The following NUP153 variants were observed in gnomAD, a reference collection of about 807,000 sequenced individuals.
NUP153 encodes nucleoporin 153, also known as nuclear pore complex protein Nup153.
In NUP153, 27 loss-of-function variants were observed where a neutral mutation model predicts 134.6. The ratio of observed to expected loss-of-function variants is 0.20; its 90% CI spans 0.15 to 0.28. The LOEUF (loss-of-function observed/expected upper bound fraction) is 0.28. NUP153 is among the 10% of genes least tolerant of loss of function. The pLI is 1.00. For synonymous variants in NUP153, 640 were observed against 623.5 expected (o/e 1.03, Z -0.40); for missense variants, 1,821 against 1,731.3 (o/e 1.05, Z -0.92).
At chr6:17,668,871 C>G in intron 8 of NUP153, 104 bp downstream of exon 8, 1 of 706,926 alleles carries the variant, frequency 1.4e-6, no homozygotes, top group Non-Finnish European at 2.4e-6. Flanking sequence ...ATTTTTCAAA[C>G]ATGTTCCCTA....
At chr6:17,665,176 ATTAT>A in intron 9 of NUP153, 59 bp downstream of exon 9, 1 of 1,247,626 alleles carries the variant, frequency 8.0e-7, no homozygotes, top group Non-Finnish European at 1.1e-6. Flanking sequence ...TATATTTTAC[ATTAT>A]TTAGTCTTAC....
rs187485978 is a variant in NUP153, at chr6:17,680,955, T to C, written c.335-5185A>G. ...ATATCCAAGTTAAAGGAAACTAGTA[T>C]ATCAAAGAGATAATCTGCACTCGCA... On this transcript the variant is annotated intron_variant, in intron 2 of 21. Coordinates refer to ENST00000262077, the MANE Select transcript of NUP153 (RefSeq NM_005124.4). The surrounding 1 kb of genome is among the most constrained non-coding windows in gnomAD (Gnocchi z 4.5). Among the ~76,000 whole-genome samples, 33 of 152,264 alleles carry C rather than the reference T, an allele frequency of 2.2e-4. No homozygotes were observed. In the East Asian group the frequency reaches 6.0e-3, roughly 28 times the overall value.
chr6:17,656,398 A>T (rs1176602202), intron 11 of NUP153, among the ~76,000 whole-genome samples: 1 of 152,134 alleles, frequency 6.6e-6, no homozygotes, highest in Non-Finnish European at 1.5e-5. Flanking sequence ...CAAAGAGGGG[A>T]GGAGGTGATA....
At chr6:17,664,236 T>C (rs1224574759) in intron 9 of NUP153, among the ~76,000 whole-genome samples, 2 of 152,126 alleles carry the variant, frequency 1.3e-5, no homozygotes, top group African/African-American at 4.8e-5. Context: ...GTGGGAGAGA[T>C]GGTAATACAA....
chr6:17,665,564 T>C (rs753433000), intron 8 of NUP153, among the ~76,000 whole-genome samples, 179 bp from the exon 9 acceptor site: 2 of 152,212 alleles, frequency 1.3e-5, no homozygotes, highest in Non-Finnish European at 2.9e-5. Context: ...TATGTATTCA[T>C]ATACCTATGC....
intron 1 of NUP153, among the ~76,000 whole-genome samples, chr6:17,705,602 G>T: frequency 6.6e-6 from 1 of 150,536 alleles, no homozygotes; most frequent in African/African-American, 2.5e-5. Context: ...GGGGAGGGGA[G>T]TCGCGCAGCA....
intron 11 of NUP153, among the ~76,000 whole-genome samples, chr6:17,654,155 GAACA>G (rs1301745708): frequency 5.9e-5 from 9 of 152,192 alleles, no homozygotes; most frequent in African/African-American, 1.7e-4. Context: ...GAGGGAGGAG[GAACA>G]AACAAAAGAT....
intron 13 of NUP153, among the ~76,000 whole-genome samples, chr6:17,646,365 AC>A (rs1390698775): frequency 7.3e-5 from 11 of 151,436 alleles, no homozygotes; most frequent in Non-Finnish European, 1.3e-4. Context: ...TCGCCACCAC[AC>A]CCGGCTAATT....
At chr6:17,683,529 C>T (rs186181301) in intron 2 of NUP153, among the ~76,000 whole-genome samples, 41 of 152,298 alleles carry the variant, frequency 2.7e-4, no homozygotes, top group Admixed American at 1.4e-3. Flanking sequence ...TGTCCCCAAG[C>T]AAGAGGTCTC....
At chr6:17,623,292 C>T (rs1232571494) in intron 20 of NUP153, among the ~76,000 whole-genome samples, 2 of 146,226 alleles carry the variant, frequency 1.4e-5, no homozygotes, top group Non-Finnish European at 3.0e-5. Flanking sequence ...TGACAAAGTA[C>T]CAATATCCAG....
intron 13 of NUP153, among the ~76,000 whole-genome samples, chr6:17,646,878 T>C (rs936610457): frequency 1.3e-5 from 2 of 151,766 alleles, no homozygotes; most frequent in African/African-American, 2.4e-5. Context: ...TAGTTGGGAT[T>C]ATAGGCGTGC....
chr6:17,669,380 A>G (rs764016575), intron 6 of NUP153, 43 bp from the exon 7 acceptor site: 7 of 1,599,390 alleles, frequency 4.4e-6, no homozygotes, highest in South Asian at 3.3e-5. Flanking sequence ...TTTTTCAATA[A>G]TATCAAGTTT....
chr6:17,654,824 G>C (rs1175979627), intron 11 of NUP153, among the ~76,000 whole-genome samples: 1 of 152,256 alleles, frequency 6.6e-6, no homozygotes, highest in East Asian at 1.9e-4. Context: ...TCTCATATGA[G>C]GTAGATACTA....
At chr6:17,651,848 C>T (rs1450840375) in intron 11 of NUP153, 1 of 660,896 alleles carries the variant, frequency 1.5e-6, no homozygotes, top group Middle Eastern at 2.5e-4. Context: ...AATCTCAGCA[C>T]TTTGAGAGGC....
Position 17,637,665 on chromosome 6 carries a change from C to A in NUP153, c.1952G>T (p.Gly651Val), listed in dbSNP as rs1765625631. The change falls in exon 16 of 22, where the codon GGG (glycine) becomes GTG (valine). Residue 651 changes from glycine (G) to valine (V), a missense_variant. Gly to Val is a moderately radical substitution (Grantham distance 109). Transcript: ENST00000262077. ...AISSFSSSGI[G>V]FGESLKAGSS... ...CCCAGCTTTTAAACTCTCCCCAAAC[C>A]CAATTCCACTAGAAGAAAAGCTACT... 1.2e-6 allele frequency: 2 copies of A among 1,613,586 alleles called. No homozygotes were observed. Among genetic ancestry groups the A allele is most frequent in the South Asian group, 2.2e-5 (2 of 91,072 alleles).
intron 20 of NUP153, among the ~76,000 whole-genome samples, chr6:17,619,869 G>T (rs145273505): frequency 6.6e-6 from 1 of 151,960 alleles, no homozygotes; most frequent in Non-Finnish European, 1.5e-5. Flanking sequence ...AGGCCGAGGC[G>T]GGCAGATCAC....
At chr6:17,621,049 C>T (rs968903220) in intron 20 of NUP153, among the ~76,000 whole-genome samples, 3 of 152,238 alleles carry the variant, frequency 2.0e-5, no homozygotes, top group East Asian at 3.9e-4. Context: ...CACTGAAAAG[C>T]GGGCAAAGGA....
At chr6:17,631,793 C>T (rs2113776446) in intron 17 of NUP153, among the ~76,000 whole-genome samples, 1 of 152,210 alleles carries the variant, frequency 6.6e-6, no homozygotes, top group African/African-American at 2.4e-5. Context: ...GGTGAAACCC[C>T]CGTCTCTACT....
In NUP153 at chr6:17,629,526, A is replaced by C. The variant is rs143450543; in HGVS notation, c.2673T>G (p.Ser891=). 6.3e-7 allele frequency: 1 copy of C among 1,594,468 alleles called. No homozygotes were observed. The highest frequency in any genetic ancestry group is 1.4e-5 in the African/African-American group (1 of 73,624). The change falls in exon 18 of 22, where the codon TCT becomes TCG. Residue 891 remains serine, a synonymous_variant. Coordinates refer to ENST00000262077, the MANE Select transcript of NUP153 (RefSeq NM_005124.4). ...TKSGFKGFDT[S]SSSSNSAASS... is the part of the protein sequence containing the mutation. ...AGGCTGCTGAGTTCGAAGATGAGGA[A>C]GATGTGTCAAAGCCTACAAAAATAT...
Sources: allele counts gnomAD v4.1 joint callset (sites outside exome capture counted in the v4.1 genomes callset), GRCh38; gene constraint gnomAD v4.1.1; non-coding constraint Gnocchi (gnomAD v3.1); transcripts MANE v1.5; gene names NCBI Gene and HGNC (gene_info 2026-07-23, HGNC 2026-07-21).